TCF20: variants seen among roughly 807,000 people sequenced by gnomAD.
The protein encoded by TCF20 is SPRE-binding protein.
In TCF20, 3 loss-of-function variants were observed where a neutral mutation model predicts 148.6. The observed-to-expected ratio is 0.02, with a 90% CI of 0.01 to 0.05. TCF20 has a LOEUF of 0.05. TCF20 is among the 10% of genes least tolerant of loss of function. The pLI is 1.00. For missense variants in TCF20, 2,350 were observed against 2,429.3 expected, an observed-to-expected ratio of 0.97 and a Z score of 0.69; for synonymous variants, 1,049 against 909.5, an observed-to-expected ratio of 1.15 and a Z score of -2.76.
chr22:42,198,944 C>T (rs986790714), intron 2 of TCF20, among the ~76,000 whole-genome samples: 5 of 152,116 alleles, frequency 3.3e-5, no homozygotes, highest in African/African-American at 4.8e-5. Context: ...GGATTACAGG[C>T]GTGAGCCACT....
upstream of TCF20, among the ~76,000 whole-genome samples, chr22:42,271,065 C>T (rs572992154): frequency 2.6e-5 from 4 of 152,154 alleles, no homozygotes; most frequent in African/African-American, 7.2e-5. Context: ...GGGAGGTCCG[C>T]GGGCGAGGAC....
intron 3 of TCF20, among the ~76,000 whole-genome samples, chr22:42,173,750 C>T (rs1396776849): frequency 1.3e-5 from 2 of 152,128 alleles, no homozygotes; most frequent in African/African-American, 4.8e-5. Flanking sequence ...TCAAAAAGAC[C>T]GCAATGACCA....
intron 1 of TCF20, among the ~76,000 whole-genome samples, chr22:42,265,722 T>G (rs1926250355): frequency 1.3e-5 from 2 of 152,212 alleles, no homozygotes; most frequent in Non-Finnish European, 2.9e-5. Context: ...TGGAAAGAAC[T>G]GTCTTTGGTA....
chr22:42,324,327 A>T (rs2147053403), intron 1 of TCF20, among the ~76,000 whole-genome samples: 1 of 152,070 alleles, frequency 6.6e-6, no homozygotes, highest in South Asian at 2.1e-4. Context: ...GTAAAAGGTA[A>T]ACATTAATTA....
rs895442678 is a variant in TCF20, at chr22:42,290,360, G to A, written c.-37+53119C>T. On this transcript the variant is annotated intron_variant, in intron 1 of 1. Transcript: ENST00000515426. This position sits in a 1 kb window ranked among gnomAD's most constrained non-coding sequence, Gnocchi z 4.2. The stretch of plus-strand genomic sequence containing the variant: ...AGCTCCGAGGAACTGGCAGCCAGGG[G>A]CTAGCTAATCCCAGCCAAAACACAC... 6.6e-6 allele frequency among the ~76,000 whole-genome samples: 1 copy of A among 152,252 alleles called. No homozygotes were observed.
At chr22:42,184,979 A>C (rs1426675819) in intron 2 of TCF20, among the ~76,000 whole-genome samples, 1 of 152,218 alleles carries the variant, frequency 6.6e-6, no homozygotes, top group East Asian at 1.9e-4. Context: ...AGCAAACTGC[A>C]AGGACTGAGT....
rs769649733 is a variant in TCF20, at chr22:42,213,536, T to C, written c.1770A>G (p.Pro590=). The part of the protein sequence containing the change: ...EATSPGAKDM[P]LSSDGNPKVN... ...CCTTTGGGTTCCCGTCGGATGACAA[T>C]GGCATGTCCTTAGCGCCTGGTGAGG... Residue 590 remains proline (P), a synonymous_variant, in exon 2 of 6, where the codon CCA becomes CCG. Transcript: ENST00000677622. The C allele has an allele frequency of 1.1e-5, 17 of 1,614,092 alleles. No homozygotes were observed. In the Admixed American group the frequency reaches 1.2e-4, roughly 11 times the overall value.
chr22:42,265,627 G>A (rs140588950), intron 1 of TCF20, among the ~76,000 whole-genome samples: 111 of 152,316 alleles, frequency 7.3e-4, no homozygotes, highest in African/African-American at 2.6e-3. Flanking sequence ...GAAGACAGCA[G>A]AGACAAAGCC....
In TCF20 at chr22:42,252,294, G is replaced by T. The variant is rs147814585; in HGVS notation, c.-37+18045C>A. Among the ~76,000 whole-genome samples the T allele has an allele frequency of 2.8e-3, 419 of 148,688 alleles. 2 individuals are homozygous for T. The highest frequency in any genetic ancestry group is 0.018 in the Middle Eastern group (5 of 280). On this transcript the variant is annotated intron_variant, in intron 1 of 5. Transcript: ENST00000677622. ...CGAAAGTCCATCTCAAAAAAAAAAA[G>T]AAAAAAATAAAAAAAAGAACTGTCT...
intron 1 of TCF20, among the ~76,000 whole-genome samples, chr22:42,223,456 T>C (rs1265424605): frequency 1.3e-5 from 2 of 152,252 alleles, no homozygotes; most frequent in Non-Finnish European, 2.9e-5. Context: ...TAACTGTAGC[T>C]ATCAATTATT....
chr22:42,240,191 T>C (rs1924271369), intron 1 of TCF20, among the ~76,000 whole-genome samples: 2 of 152,178 alleles, frequency 1.3e-5, no homozygotes, highest in African/African-American at 4.8e-5. Context: ...AGAGGCAGAA[T>C]AGTCATTTGC....
At chr22:42,197,416 G>C (rs562579108) in intron 2 of TCF20, among the ~76,000 whole-genome samples, 1 of 149,580 alleles carries the variant, frequency 6.7e-6, no homozygotes, top group East Asian at 2.0e-4. Context: ...TCCGCCTCCC[G>C]GGTTCATGCC....
chr22:42,260,987 A>T (rs1490923756), intron 1 of TCF20, among the ~76,000 whole-genome samples: 1 of 152,176 alleles, frequency 6.6e-6, no homozygotes, highest in Non-Finnish European at 1.5e-5. Context: ...CTATACTCTA[A>T]AAAGTTCCCT....
chr22:42,215,314 G>C lies in TCF20; in HGVS notation c.-9C>G. 1 of 1,597,866 alleles carries C rather than the reference G, an allele frequency of 6.3e-7. No homozygotes were observed. The highest frequency in any genetic ancestry group is 8.6e-7 in the Non-Finnish European group (1 of 1,169,490). ...TCCCGAAAGGACTGCATACTGTTCA[G>C]CAGCACAGCAGCAGGCCAACAGCCC... On this transcript the variant is annotated 5_prime_UTR_variant, in exon 2 of 6. Coordinates refer to ENST00000677622, the MANE Select transcript of TCF20 (RefSeq NM_001378418.1).
At chr22:42,234,543 G>A (rs1360252033) in intron 1 of TCF20, among the ~76,000 whole-genome samples, 1 of 152,070 alleles carries the variant, frequency 6.6e-6, no homozygotes, top group Admixed American at 6.6e-5. Flanking sequence ...ACACTTCCAC[G>A]GTTGCCTCAA....
intron 1 of TCF20, among the ~76,000 whole-genome samples, chr22:42,232,714 C>T (rs149202298): frequency 1.1e-3 from 166 of 151,346 alleles, no homozygotes; most frequent in African/African-American, 3.9e-3. Flanking sequence ...ACCTGTGGTC[C>T]CAGCAACCCG....
chr22:42,329,265 C>A (rs1414573499), intron 1 of TCF20, among the ~76,000 whole-genome samples: 1 of 152,228 alleles, frequency 6.6e-6, no homozygotes, highest in Non-Finnish European at 1.5e-5. Flanking sequence ...CCATCCTCAT[C>A]CCCAGCACAC....
At position 42,225,820 on chromosome 22, in the gene TCF20, G is replaced by A. The variant is rs552631420; in HGVS notation, c.-36-10479C>T. Among the ~76,000 whole-genome samples, 28 of 152,250 alleles carry A rather than the reference G, an allele frequency of 1.8e-4. No homozygotes were observed. The South Asian group carries it at 5.4e-3, about 29-fold the overall frequency. ...CTACTTCAGGAAACCTGGTGCCAAT[G>A]CCACACACAGGGTTGTTGGACACCA... On this transcript the variant is annotated intron_variant, in intron 1 of 5. Transcript: ENST00000677622.
At chr22:42,218,254 G>T (rs1283525389) in intron 1 of TCF20, among the ~76,000 whole-genome samples, 3 of 152,142 alleles carry the variant, frequency 2.0e-5, no homozygotes, top group African/African-American at 7.2e-5. Flanking sequence ...TTGCCCAGAG[G>T]GTCTTCCACA....
Sources: allele counts gnomAD v4.1 joint callset (sites outside exome capture counted in the v4.1 genomes callset), GRCh38; gene constraint gnomAD v4.1.1; non-coding constraint Gnocchi (gnomAD v3.1); transcripts MANE v1.5; gene names NCBI Gene and HGNC (gene_info 2026-07-23, HGNC 2026-07-21).